The following OPRM1 variants were observed in gnomAD, a reference collection of about 807,000 sequenced individuals.
The protein encoded by OPRM1 is mu-type opioid receptor.
Under a neutral mutation model 31.8 loss-of-function variants are expected in OPRM1, and 27 were observed. That is an observed-to-expected ratio of 0.85 (90% CI 0.63 to 1.17). The LOEUF (loss-of-function observed/expected upper bound fraction) is 1.17. OPRM1 is among the 50% of genes most tolerant of loss of function. The probability of loss-of-function intolerance (pLI) is 0.00; values close to 1 mark genes in which losing one functional copy is unlikely to be tolerated. For synonymous variants in OPRM1, 196 were observed against 189.9 expected (o/e 1.03, Z -0.26); for missense variants, 536 against 511.1 (o/e 1.05, Z -0.47).
intron 3 of OPRM1, chr6:154,107,446 G>A (rs2128511574): frequency 1.4e-6 from 1 of 718,482 alleles, no homozygotes; most frequent in African/African-American, 1.7e-5. Flanking sequence ...TATTAAACCA[G>A]AAGTGACTTA....
At chr6:154,036,562 G>A (rs1463424798), upstream of OPRM1, among the ~76,000 whole-genome samples, 1 of 151,924 alleles carries the variant, frequency 6.6e-6, no homozygotes, top group African/African-American at 2.4e-5. Context: ...CTCTTTGCCT[G>A]TAATTCTAGA....
rs200359879 is a variant in OPRM1 at position 154,118,663 on chromosome 6, T to C, written c.1165-20T>C. 1.1e-4 allele frequency: 171 copies of C among 1,612,388 alleles called. 2 individuals carry two copies. The South Asian group carries it at 1.8e-3, about 17-fold the overall frequency. ...CCGTATCTGAAATGTTCACTGTCTT[T>C]GCTCTTTCTCTCCTTTCAGCTAGAA... On this transcript the variant is annotated intron_variant, in intron 3 of 3. Coordinates refer to ENST00000330432, the MANE Select transcript of OPRM1 (RefSeq NM_000914.5).
At chr6:154,187,561 C>T (rs1325623959) in intron 3 of OPRM1, among the ~76,000 whole-genome samples, 1 of 152,188 alleles carries the variant, frequency 6.6e-6, no homozygotes, top group African/African-American at 2.4e-5. Flanking sequence ...CCTGTACTAC[C>T]TCACCAGTAG....
upstream of OPRM1, chr6:154,039,181 G>A (rs1433798647): frequency 1.9e-5 from 29 of 1,551,500 alleles, no homozygotes; most frequent in Non-Finnish European, 2.5e-5. Context: ...ACAGAAGAGT[G>A]CCCAGTGAAG....
At chr6:154,017,421 A>G (rs1778068078) in intron 1 of OPRM1, among the ~76,000 whole-genome samples, 1 of 152,104 alleles carries the variant, frequency 6.6e-6, no homozygotes, top group Non-Finnish European at 1.5e-5. Context: ...TAGGCTTTTA[A>G]TGGCACTGGG....
In OPRM1 at chr6:154,041,345, C is replaced by T. The variant is rs115703069; in HGVS notation, c.290+1511C>T. ...AAGTATTTATTTTTAAAAACATTTA[C>T]TTTAAGTAATTCAATACAATGATTC... On this transcript the variant is annotated intron_variant, in intron 1 of 3. Coordinates refer to ENST00000330432, the MANE Select transcript of OPRM1 (RefSeq NM_000914.5). 3.2e-3 allele frequency among the ~76,000 whole-genome samples: 481 copies of T among 152,224 alleles called. 2 individuals carry two copies. Among genetic ancestry groups the T allele is most frequent in the African/African-American group, 0.011 (467 of 41,538 alleles).
At chr6:154,245,287 GA>G (rs34710266) in intron 3 of OPRM1, among the ~76,000 whole-genome samples, 24 of 108,406 alleles carry the variant, frequency 2.2e-4, no homozygotes, top group East Asian at 1.0e-3. Context: ...CAAATGCTTG[GA>G]AAAAAAAAAT....
At chr6:154,140,246 T>C (rs1359919704) in intron 3 of OPRM1, among the ~76,000 whole-genome samples, 2 of 152,186 alleles carry the variant, frequency 1.3e-5, no homozygotes, top group African/African-American at 4.8e-5. Flanking sequence ...CTCTTCAACT[T>C]TCAAGCTTAC....
Position 154,129,369 on chromosome 6 carries a change from TAGGCCAGGCGGGCCCAGGCCTGGTTTC to T in OPRM1, c.*10649_*10675del, listed in dbSNP as rs1797761810. On this transcript the variant is annotated 3_prime_UTR_variant, in exon 4 of 4. Transcript: ENST00000330432. ...TAAGTTGATTTTTAACTACTGGGTT[TAGGCCAGGCGGGCCCAGGCCTGGTTTC>T]GGGCCTGGCGCTGAGCTGCCTGTAT... is the stretch of plus-strand genomic sequence containing the variant. 6.6e-6 allele frequency among the ~76,000 whole-genome samples: 1 copy of T among 152,232 alleles called. No homozygotes were observed. The highest frequency in any genetic ancestry group is 1.5e-5 in the Non-Finnish European group (1 of 68,040).
chr6:154,122,484 AAGAC>A lies in OPRM1; in HGVS notation c.*3764_*3767del, dbSNP rs1797361170. 6.6e-6 allele frequency among the ~76,000 whole-genome samples: 1 copy of A among 152,214 alleles called. No homozygotes were observed. Among genetic ancestry groups the A allele is most frequent in the Non-Finnish European group, 1.5e-5 (1 of 68,030 alleles). ...AGAACAGGGCATGCAGATTGTATTT[AAGAC>A]CACTGCAAGTAAGGTCTAAGGCAAA... On this transcript the variant is annotated 3_prime_UTR_variant, in exon 4 of 4. Transcript: ENST00000330432.
At chr6:154,031,868 A>G (rs1406867581) in intron 1 of OPRM1, among the ~76,000 whole-genome samples, 2 of 152,240 alleles carry the variant, frequency 1.3e-5, no homozygotes, top group African/African-American at 4.8e-5. Context: ...TTGAGGATTC[A>G]TGGTGAGCTA....
intron 3 of OPRM1, chr6:154,093,609 A>G: frequency 2.3e-6 from 3 of 1,328,354 alleles, no homozygotes; most frequent in Non-Finnish European, 3.0e-6. Context: ...AATACATCCA[A>G]TTAGGCCTTA....
At chr6:154,068,082 A>G (rs946534806) in intron 1 of OPRM1, among the ~76,000 whole-genome samples, 3 of 152,108 alleles carry the variant, frequency 2.0e-5, no homozygotes, top group Admixed American at 2.0e-4. Context: ...TTTTAATAGT[A>G]TATTTTACTT....
At chr6:154,180,414 A>ATATATATATATATATATTTTT (rs1241250621) in intron 3 of OPRM1, among the ~76,000 whole-genome samples, 3 of 65,264 alleles carry the variant, frequency 4.6e-5, no homozygotes, top group Admixed American at 1.4e-4. Context: ...ATATATATAT[A>ATATATATATATATATATTTTT]TTTTTTTTTT....
At chr6:154,192,900 A>G (rs917784532) in intron 3 of OPRM1, among the ~76,000 whole-genome samples, 1 of 152,210 alleles carries the variant, frequency 6.6e-6, no homozygotes, top group African/African-American at 2.4e-5. Flanking sequence ...AACAGGGATC[A>G]CTTCTACACT....
At chr6:154,091,718 T>G in intron 3 of OPRM1, 3 of 1,247,792 alleles carry the variant, frequency 2.4e-6, no homozygotes, top group Non-Finnish European at 3.0e-6. Context: ...TCAAAATAAC[T>G]ATTTTTATGG....
rs1301471060 is a variant in OPRM1, at chr6:154,131,755, T to C, written c.*13034T>C. ...GTAACAGTGAGCACAACATGCTTTC[T>C]GTGTGTGTTTTTAAGCTCTTTCCCC... On this transcript the variant is annotated 3_prime_UTR_variant, in exon 4 of 4. Transcript: ENST00000330432. 7.2e-5 allele frequency among the ~76,000 whole-genome samples: 11 copies of C among 152,208 alleles called. No homozygotes were observed.
chr6:154,199,810 G>C (rs1468632742), intron 3 of OPRM1: 1 of 1,614,198 alleles, frequency 6.2e-7, no homozygotes, highest in Admixed American at 1.7e-5. Flanking sequence ...CCAGGGCCTT[G>C]TGGATGCCTG....
At chr6:154,045,591 C>T (rs1780961896) in intron 1 of OPRM1, among the ~76,000 whole-genome samples, 3 of 152,184 alleles carry the variant, frequency 2.0e-5, no homozygotes, top group African/African-American at 4.8e-5. Context: ...ATGGCTTTCA[C>T]GTTGTTTCAT....
Sources: gnomAD v4.1 joint callset for allele counts (sites outside exome capture counted in the v4.1 genomes callset) on GRCh38, gnomAD v4.1.1 for gene constraint, MANE v1.5 for transcripts, NCBI Gene and HGNC (gene_info 2026-07-23, HGNC 2026-07-21) for gene names.